COL5A1: variants seen among roughly 807,000 people sequenced by gnomAD.
COL5A1 encodes collagen alpha-1(V) chain.
In COL5A1, 16 loss-of-function variants were observed where a neutral mutation model predicts 263.7. The observed-to-expected ratio is 0.06, with a 90% CI of 0.04 to 0.09. The LOEUF is 0.09. Ranked by LOEUF, COL5A1 falls within the 10% of genes least tolerant of loss-of-function variation. The pLI is 1.00. For synonymous variants in COL5A1, 1,012 were observed against 1,004.5 expected, an observed-to-expected ratio of 1.01 and a Z score of -0.14; for missense variants, 2,036 against 2,540.5, an observed-to-expected ratio of 0.80 and a Z score of 4.27.
chr9:134,803,138 C>A lies in COL5A1; in HGVS notation c.3114+143C>A, dbSNP rs545152288. 12 of 761,986 alleles carry A rather than the reference C, an allele frequency of 1.6e-5. No individual in the cohort carries two copies. In the Admixed American group the frequency reaches 1.8e-4, roughly 12 times the overall value. The allele number at this position is 761,986 out of a possible 1,614,324, so 47.2% of individuals were successfully genotyped here. A position where few individuals can be genotyped will look rare whatever the true frequency, so the allele number is the denominator to read the frequency against. On this transcript the variant is annotated intron_variant, in intron 39 of 65. Transcript: ENST00000371817. The stretch of plus-strand genomic sequence containing the variant: ...ATGCCGGTTCACTCCCCAGACCGCA[C>A]GTTTTGCTCACTTTTCCTTGATTCA...
intron 4 of COL5A1, among the ~76,000 whole-genome samples, chr9:134,727,054 T>TGGAC (rs1248585321): frequency 7.1e-6 from 1 of 141,342 alleles, no homozygotes; most frequent in Non-Finnish European, 1.6e-5. Flanking sequence ...AACGGATGGA[T>TGGAC]GGATGGATGG....
Position 134,828,263 on chromosome 9 carries a change from C to A in COL5A1, c.5068-1713C>A, listed in dbSNP as rs1238010544. On this transcript the variant is annotated intron_variant, in intron 63 of 65. Coordinates refer to ENST00000371817, the MANE Select transcript of COL5A1 (RefSeq NM_000093.5). Reference sequence around the variant, plus strand: ...CTGAGGCCTGCCCTGCTGGGCCCAGCCTGTGTGTCTGCAGCCTCGGCCTCT... The same window carrying A: ...CTGAGGCCTGCCCTGCTGGGCCCAGACTGTGTGTCTGCAGCCTCGGCCTCT... 2.6e-5 allele frequency among the ~76,000 whole-genome samples: 4 copies of A among 152,296 alleles called. No individual in the cohort carries two copies. The East Asian group carries it at 7.7e-4, about 29-fold the overall frequency.
At chr9:134,731,795 C>G in intron 8 of COL5A1, 132 bp downstream of exon 8, 2 of 1,079,092 alleles carry the variant, frequency 1.9e-6, no homozygotes, top group South Asian at 1.6e-5. Flanking sequence ...ATTCCCAAAA[C>G]TTTATTTTTA....
intron 63 of COL5A1, 132 bp from the exon 64 acceptor site, chr9:134,829,844 C>T: frequency 1.0e-6 from 1 of 994,896 alleles, no homozygotes; most frequent in Non-Finnish European, 1.5e-6. Flanking sequence ...TCGGTGGGTC[C>T]TCCCTGCAGC....
intron 6 of COL5A1, 103 bp from the exon 7 acceptor site, chr9:134,730,133 G>C: frequency 4.6e-6 from 7 of 1,538,218 alleles, no homozygotes; most frequent in Non-Finnish European, 6.2e-6. Flanking sequence ...GGCTCCAGGC[G>C]TTGCCACTGA....
At chr9:134,715,557 C>G (rs953945190) in intron 4 of COL5A1, among the ~76,000 whole-genome samples, 1 of 152,206 alleles carries the variant, frequency 6.6e-6, no homozygotes, top group Non-Finnish European at 1.5e-5. Context: ...GAACTTTGGA[C>G]AATACCTGGC....
intron 39 of COL5A1, among the ~76,000 whole-genome samples, chr9:134,803,498 G>A (rs533473388): frequency 1.3e-5 from 2 of 152,308 alleles, no homozygotes; most frequent in East Asian, 3.9e-4. Context: ...AGCTGGGTGT[G>A]GTGGTGCGCA....
rs138090453 is a variant in COL5A1 at position 134,676,186 on chromosome 9, G to T, written c.110-14726G>T. Among the ~76,000 whole-genome samples, 150 of 152,246 alleles carry T rather than the reference G, an allele frequency of 9.9e-4. 2 individuals carry two copies. In the East Asian group the frequency reaches 0.025, roughly 25 times the overall value. On this transcript the variant is annotated intron_variant, in intron 1 of 65. Transcript: ENST00000371817. Reference sequence around the variant, plus strand: ...TCCACCAAACCTCAGCCCCTTTCCAGAAGTAACCCCTCAACTCTCTGATCG... The same window carrying T: ...TCCACCAAACCTCAGCCCCTTTCCATAAGTAACCCCTCAACTCTCTGATCG...
At chr9:134,699,400 T>C (rs958612673) in intron 2 of COL5A1, among the ~76,000 whole-genome samples, 4 of 152,174 alleles carry the variant, frequency 2.6e-5, no homozygotes, top group Non-Finnish European at 5.9e-5. Flanking sequence ...AGTACAATTC[T>C]AGTGGCGGTT....
In COL5A1 at chr9:134,806,287, A is replaced by G. The variant is rs1161037397; in HGVS notation, c.3357A>G (p.Lys1119=). 23 of 1,547,790 alleles carry G rather than the reference A, an allele frequency of 1.5e-5. No homozygotes were observed. In the African/African-American group the frequency reaches 1.5e-4, roughly 10 times the overall value. Residue 1119 remains lysine, a synonymous_variant, in exon 42 of 66, where the codon AAA becomes AAG. Coordinates refer to ENST00000371817, the MANE Select transcript of COL5A1 (RefSeq NM_000093.5). ...PQGPPGPAGE[K]GAPGEKGPQG... ...GACCCCCAGGGCCGGCAGGAGAGAA[A>G]GGGGCTCCTGTAAGTACTGCCTTGG...
Position 134,818,804 on chromosome 9 carries a change from G to A in COL5A1, c.4338+41G>A. ...GGGGCAGAGGGGTTGCCGAGTGGAG[G>A]GACGGGGGACCAGCAACTCATGCAG... is the stretch of plus-strand genomic sequence containing the variant. On this transcript the variant is annotated intron_variant, in intron 55 of 65. Transcript: ENST00000371817. The surrounding 1 kb of genome is among the most constrained non-coding windows in gnomAD (Gnocchi z 6.0). 1 of 1,612,568 alleles carries A rather than the reference G, an allele frequency of 6.2e-7. No individual in the cohort carries two copies. The highest frequency in any genetic ancestry group is 2.2e-5 in the East Asian group (1 of 44,834).
At chr9:134,747,668 CAT>C (rs1331145347) in intron 11 of COL5A1, among the ~76,000 whole-genome samples, 6 of 151,504 alleles carry the variant, frequency 4.0e-5, no homozygotes, top group South Asian at 4.1e-4. Flanking sequence ...CACATGCACA[CAT>C]GTATTCATAC....
chr9:134,782,614 A>G (rs552938159), intron 28 of COL5A1, 53 bp from the exon 29 acceptor site: 1 of 1,550,496 alleles, frequency 6.4e-7, no homozygotes, highest in East Asian at 2.2e-5. Flanking sequence ...AGGGACCGCC[A>G]GGGAGGCGGG....
At chr9:134,724,300 T>G (rs1187153760) in intron 4 of COL5A1, among the ~76,000 whole-genome samples, 1 of 152,154 alleles carries the variant, frequency 6.6e-6, no homozygotes, top group Non-Finnish European at 1.5e-5. Flanking sequence ...CTCTGTGAGG[T>G]CAATGCTGCC....
chr9:134,670,969 T>C (rs1307623552), intron 1 of COL5A1, among the ~76,000 whole-genome samples: 1 of 152,170 alleles, frequency 6.6e-6, no homozygotes, highest in Admixed American at 6.5e-5. Context: ...AGGGAGCTGA[T>C]GTCTGGAGGT....
intron 1 of COL5A1, among the ~76,000 whole-genome samples, chr9:134,684,819 T>C (rs1832958178): frequency 6.6e-6 from 1 of 152,200 alleles, no homozygotes; most frequent in African/African-American, 2.4e-5. Context: ...ATTGTAAAAT[T>C]GCCCTATACC....
At chr9:134,829,188 G>A (rs1030069720) in intron 63 of COL5A1, among the ~76,000 whole-genome samples, 7 of 152,252 alleles carry the variant, frequency 4.6e-5, no homozygotes, top group Non-Finnish European at 8.8e-5. Context: ...AGCACCAGGC[G>A]CTGGCCTGGG....
At chr9:134,645,809 C>T (rs1232654501) in intron 1 of COL5A1, among the ~76,000 whole-genome samples, 1 of 152,218 alleles carries the variant, frequency 6.6e-6, no homozygotes, top group Non-Finnish European at 1.5e-5. Context: ...GGTTTATCAG[C>T]TCTCCCCGGG....
intron 25 of COL5A1, among the ~76,000 whole-genome samples, chr9:134,771,641 G>A (rs1436462145): frequency 1.3e-5 from 2 of 152,208 alleles, no homozygotes; most frequent in Non-Finnish European, 2.9e-5. Context: ...TCTTCTTAAT[G>A]CTACTGTGTC....
Sources: gnomAD v4.1 joint callset for allele counts (sites outside exome capture counted in the v4.1 genomes callset) on GRCh38, gnomAD v4.1.1 for gene constraint, Gnocchi (gnomAD v3.1) non-coding constraint, MANE v1.5 for transcripts, NCBI Gene and HGNC (gene_info 2026-07-23, HGNC 2026-07-21) for gene names.